The following SYNRG variants were observed in gnomAD, a reference collection of about 807,000 sequenced individuals.
The protein encoded by SYNRG is synergin gamma.
SYNRG carries 37 observed loss-of-function variants against 130.9 expected under a neutral mutation model. The observed-to-expected ratio is 0.28, with a 90% CI of 0.22 to 0.37. The LOEUF is 0.37. Ranked by LOEUF, SYNRG falls within the 10% of genes least tolerant of loss-of-function variation. SYNRG has a pLI of 1.00. For missense variants in SYNRG, 1,338 were observed against 1,588.9 expected, an observed-to-expected ratio of 0.84 and a Z score of 2.68; for synonymous variants, 539 against 568.1, an observed-to-expected ratio of 0.95 and a Z score of 0.73.
chr17:37,607,524 C>G (rs1374374814), intron 1 of SYNRG, among the ~76,000 whole-genome samples: 2 of 152,172 alleles, frequency 1.3e-5, no homozygotes, highest in Admixed American at 1.3e-4. Flanking sequence ...CGTGGTGACT[C>G]AAGCCTGTAA....
intron 19 of SYNRG, among the ~76,000 whole-genome samples, chr17:37,535,754 T>G (rs1215687679): frequency 6.6e-6 from 1 of 152,210 alleles, no homozygotes; most frequent in Non-Finnish European, 1.5e-5. Flanking sequence ...AGTGAATGTT[T>G]TCCTGTACTG....
intron 19 of SYNRG, among the ~76,000 whole-genome samples, chr17:37,523,801 T>A (rs1428954474): frequency 6.6e-6 from 1 of 152,098 alleles, no homozygotes; most frequent in Non-Finnish European, 1.5e-5. Flanking sequence ...TTTGGTCTAA[T>A]GAGTATGACT....
At chr17:37,523,165 G>A (rs529330567) in intron 19 of SYNRG, among the ~76,000 whole-genome samples, 15 of 152,078 alleles carry the variant, frequency 9.9e-5, no homozygotes, top group East Asian at 3.9e-4. Context: ...TTTGTGTTTT[G>A]TCTTGCTTTT....
intron 1 of SYNRG, among the ~76,000 whole-genome samples, chr17:37,608,990 C>CA (rs1555803794): frequency 1.4e-5 from 2 of 144,764 alleles, no homozygotes; most frequent in Non-Finnish European, 3.0e-5. Flanking sequence ...TGCCCCGCCC[C>CA]CCCCCACCCC....
At position 37,585,441 on chromosome 17, in the gene SYNRG, A is replaced by C; in HGVS notation, c.372-11T>G. ...TGTTCAAATCGTTTCCTGAAGGAAAAATGATCTAATAAAGAACCAGCTCCC... is the reference window on the plus strand; with the variant it reads ...TGTTCAAATCGTTTCCTGAAGGAAACATGATCTAATAAAGAACCAGCTCCC... On this transcript the variant is annotated splice_polypyrimidine_tract_variant and intron_variant, in intron 4 of 21. Transcript: ENST00000612223. 6.3e-7 allele frequency: 1 copy of C among 1,595,046 alleles called. No individual in the cohort carries two copies. The highest frequency in any genetic ancestry group is 8.6e-7 in the Non-Finnish European group (1 of 1,165,674).
In SYNRG at chr17:37,569,332, C is replaced by T. The variant is rs1437904141; in HGVS notation, c.1348-408G>A. ...GGCTGAGGCCAGAGAATCACTTGAACCCAGGAGGCAGAAGTTGCAGTGAGC... is the reference window on the plus strand; with the variant it reads ...GGCTGAGGCCAGAGAATCACTTGAATCCAGGAGGCAGAAGTTGCAGTGAGC... On this transcript the variant is annotated intron_variant, in intron 10 of 21. Transcript: ENST00000612223. Among the ~76,000 whole-genome samples the T allele has an allele frequency of 4.0e-5, 6 of 151,862 alleles. No homozygotes were observed. In the East Asian group the frequency reaches 1.2e-3, roughly 29 times the overall value.
intron 11 of SYNRG, among the ~76,000 whole-genome samples, chr17:37,561,819 C>A (rs1004818749): frequency 2.0e-5 from 3 of 151,122 alleles, no homozygotes; most frequent in Non-Finnish European, 3.0e-5. Context: ...TCATTTTTTT[C>A]TTGATTAAAT....
At chr17:37,598,683 TG>T (rs2062996023) in intron 2 of SYNRG, among the ~76,000 whole-genome samples, 1 of 151,994 alleles carries the variant, frequency 6.6e-6, no homozygotes, top group South Asian at 2.1e-4. Flanking sequence ...AGCCTTCAAA[TG>T]ATCAAAAAGT....
intron 11 of SYNRG, among the ~76,000 whole-genome samples, chr17:37,565,162 G>C (rs1221643067): frequency 6.6e-6 from 1 of 152,118 alleles, no homozygotes; most frequent in African/African-American, 2.4e-5. Flanking sequence ...TACTAGGGAG[G>C]CTGAGGCAGG....
At chr17:37,519,099 C>G (rs757692474) in intron 21 of SYNRG, 28 bp from the exon 22 acceptor site, 10 of 1,606,420 alleles carry the variant, frequency 6.2e-6, no homozygotes, top group Middle Eastern at 1.7e-4. Flanking sequence ...AGATGTGGGG[C>G]AAGTCAGGCT....
intron 3 of SYNRG, among the ~76,000 whole-genome samples, chr17:37,587,484 A>G (rs1380884443): frequency 1.3e-5 from 2 of 152,058 alleles, no homozygotes; most frequent in Non-Finnish European, 2.9e-5. Flanking sequence ...TCTCTTCTAT[A>G]TTTCCTGTAA....
chr17:37,556,252 C>G (rs960698981), intron 13 of SYNRG, among the ~76,000 whole-genome samples: 2 of 152,022 alleles, frequency 1.3e-5, no homozygotes, highest in Non-Finnish European at 2.9e-5. Flanking sequence ...GAGTTTGAGA[C>G]CAGCCTGGCC....
At chr17:37,593,521 C>A (rs2062395198) in intron 3 of SYNRG, among the ~76,000 whole-genome samples, 1 of 151,962 alleles carries the variant, frequency 6.6e-6, no homozygotes, top group South Asian at 2.1e-4. Flanking sequence ...CATGTATGTC[C>A]CTGATTGGTT....
chr17:37,590,096 G>A lies in SYNRG; in HGVS notation c.241-3547C>T, dbSNP rs138731586. Among the ~76,000 whole-genome samples, 941 of 151,702 alleles carry A rather than the reference G, an allele frequency of 6.2e-3. 9 individuals carry two copies. The highest frequency in any genetic ancestry group is 0.038 in the Middle Eastern group (11 of 290). Reference sequence around the variant, plus strand: ...TAAGGCAGGTGAATTACTTGAGCCCGGGAGGCGGCAGCTGCAGTGAGCTGA... The same window carrying A: ...TAAGGCAGGTGAATTACTTGAGCCCAGGAGGCGGCAGCTGCAGTGAGCTGA... On this transcript the variant is annotated intron_variant, in intron 3 of 21. Transcript: ENST00000612223.
At position 37,520,600 on chromosome 17, in the gene SYNRG, T is replaced by A. The variant is rs1568238386; in HGVS notation, c.3715A>T (p.Ile1239Phe). 1.9e-6 allele frequency: 3 copies of A among 1,614,098 alleles called. No homozygotes were observed. In the Admixed American group the frequency reaches 5.0e-5, roughly 27 times the overall value. The change falls in exon 20 of 22, where the codon ATT becomes TTT. Residue 1239 changes from isoleucine to phenylalanine, a missense_variant. Physicochemically the swap from Ile to Phe is conservative, Grantham distance 21. This residue lies in a region of SYNRG where 1,146 missense variants were observed against 1,342.3 expected (regional missense o/e 0.85). Coordinates refer to ENST00000612223, the MANE Select transcript of SYNRG (RefSeq NM_007247.6). The stretch of plus-strand genomic sequence containing the variant: ...CAGGCAAGCTCCTGAGCATTTTTAA[T>A]CCCAGGCCGTAACATACAGGAGGAA... ...DFSSCMLRPG[I>F]KNAQELACGV...
chr17:37,606,702 T>C (rs2063781591), intron 1 of SYNRG, among the ~76,000 whole-genome samples: 1 of 152,200 alleles, frequency 6.6e-6, no homozygotes, highest in Admixed American at 6.5e-5. Context: ...TTGCCCTTTA[T>C]ACAACTCTAC....
chr17:37,556,571 T>C (rs1182132046), intron 13 of SYNRG, among the ~76,000 whole-genome samples: 3 of 146,408 alleles, frequency 2.0e-5, no homozygotes, highest in African/African-American at 7.5e-5. Context: ...CCAAAAACAA[T>C]ACAAGCTAAT....
intron 6 of SYNRG, 82 bp from the exon 7 acceptor site, chr17:37,577,695 C>CTTTTTT (rs34008016): frequency 6.2e-5 from 36 of 584,646 alleles, no homozygotes; most frequent in African/African-American, 5.5e-4. Flanking sequence ...CCCCCATATT[C>CTTTTTT]TTTTTTTTTT....
chr17:37,553,211 T>A lies in SYNRG; in HGVS notation c.2512A>T (p.Met838Leu). ...SEDALSVQFDMKLADVGGDLK... is the reference protein window; with the variant it reads ...SEDALSVQFDLKLADVGGDLK... ...TCTCCTCCCACATCAGCCAATTTCA[T>A]GTCAAACTGAACAGAGAGTGCATCT... The change falls in exon 14 of 22, where the codon ATG becomes TTG. Residue 838 changes from methionine to leucine, a missense_variant. Physicochemically the swap from Met to Leu is conservative, Grantham distance 15. Coordinates refer to ENST00000612223, the MANE Select transcript of SYNRG (RefSeq NM_007247.6). 1 of 1,614,096 alleles carries A rather than the reference T, an allele frequency of 6.2e-7. No individual in the cohort carries two copies. The highest frequency in any genetic ancestry group is 8.5e-7 in the Non-Finnish European group (1 of 1,179,994).
Sources: allele counts gnomAD v4.1 joint callset (sites outside exome capture counted in the v4.1 genomes callset), GRCh38; gene constraint gnomAD v4.1.1; regional missense constraint gnomAD v4.1.1; transcripts MANE v1.5; gene names NCBI Gene and HGNC (gene_info 2026-07-23, HGNC 2026-07-21).